The following RANBP17 variants were observed in gnomAD, a reference collection of about 807,000 sequenced individuals.
RANBP17 encodes RAN binding protein 17.
RANBP17 carries 158 observed loss-of-function variants against 141.2 expected under a neutral mutation model. The observed-to-expected ratio is 1.12, with a 90% confidence interval of 0.98 to 1.28. RANBP17 has a LOEUF of 1.28. Among genes scored for constraint, RANBP17 ranks in the 50% most tolerant of loss-of-function variants. The pLI is 0.00. For missense variants in RANBP17, 1,438 were observed against 1,290.7 expected (o/e 1.11, Z -1.75); for synonymous variants, 430 against 450.0 (o/e 0.96, Z 0.56).
At chr5:171,244,272 A>G (rs1307322213) in intron 24 of RANBP17, among the ~76,000 whole-genome samples, 1 of 151,884 alleles carries the variant, frequency 6.6e-6, no homozygotes, top group East Asian at 1.9e-4. Flanking sequence ...GTGCGCCTGT[A>G]GTCCCAGCTA....
rs552965037 is a variant in RANBP17 at position 170,924,391 on chromosome 5, A to G, written c.1309A>G (p.Thr437Ala). 15 of 1,604,290 alleles carry G rather than the reference A, an allele frequency of 9.3e-6. No homozygotes were observed. The Admixed American group carries it at 2.5e-4, about 27-fold the overall frequency. The change falls in exon 12 of 28, where the codon ACT (threonine) becomes GCT (alanine). Residue 437 changes from threonine to alanine, a missense_variant. By Grantham distance (58) the Thr-to-Ala change is moderately conservative. Transcript: ENST00000523189. ...AGATGATCCACTGGATGATACTGCCACTGTGTTTCAGCAGTTGGAGCAGTT... is the reference window on the plus strand; with the variant it reads ...AGATGATCCACTGGATGATACTGCCGCTGTGTTTCAGCAGTTGGAGCAGTT... ...HLDDPLDDTATVFQQLEQLCT... is the reference protein window; with the variant it reads ...HLDDPLDDTAAVFQQLEQLCT...
intron 26 of RANBP17, among the ~76,000 whole-genome samples, chr5:171,295,328 C>T (rs1388561393): frequency 6.6e-6 from 1 of 152,072 alleles, no homozygotes; most frequent in African/African-American, 2.4e-5. Flanking sequence ...CAAAGCTCTC[C>T]CCAAACTAAA....
At chr5:171,174,730 GA>G (rs1760319591) in intron 16 of RANBP17, among the ~76,000 whole-genome samples, 1 of 149,128 alleles carries the variant, frequency 6.7e-6, no homozygotes, top group Non-Finnish European at 1.5e-5. Context: ...CATCAAACAT[GA>G]GAAAACTAAA....
intron 14 of RANBP17, among the ~76,000 whole-genome samples, chr5:171,166,897 A>G (rs918137872): frequency 5.3e-5 from 8 of 152,218 alleles, no homozygotes; most frequent in Middle Eastern, 3.2e-3. Context: ...TCAGTAGATC[A>G]GATAAGTGGA....
At chr5:171,114,331 C>G (rs989095262) in intron 14 of RANBP17, among the ~76,000 whole-genome samples, 1 of 152,060 alleles carries the variant, frequency 6.6e-6, no homozygotes, top group African/African-American at 2.4e-5. Flanking sequence ...AAAAGCCTTC[C>G]TTACAAGTTG....
At chr5:171,147,161 A>G (rs1195031720) in intron 14 of RANBP17, among the ~76,000 whole-genome samples, 2 of 152,120 alleles carry the variant, frequency 1.3e-5, no homozygotes, top group African/African-American at 2.4e-5. Context: ...AGACAGCCCC[A>G]CAACAAAGAA....
intron 14 of RANBP17, among the ~76,000 whole-genome samples, chr5:171,036,704 C>A (rs1390443880): frequency 1.3e-5 from 2 of 151,974 alleles, no homozygotes; most frequent in African/African-American, 4.8e-5. Context: ...TTTTTCTGTT[C>A]CTGTGTTGAT....
intron 14 of RANBP17, among the ~76,000 whole-genome samples, chr5:171,151,465 T>C (rs1300235162): frequency 1.3e-5 from 2 of 152,238 alleles, no homozygotes; most frequent in Admixed American, 1.3e-4. Flanking sequence ...CCACTTTCTC[T>C]GGTCAATAAT....
chr5:171,051,592 A>G (rs1041053217), intron 14 of RANBP17, among the ~76,000 whole-genome samples: 2 of 152,204 alleles, frequency 1.3e-5, no homozygotes, highest in African/African-American at 2.4e-5. Context: ...AATACTATTT[A>G]ATATTTCACT....
At chr5:171,062,445 C>G (rs556538726) in intron 14 of RANBP17, among the ~76,000 whole-genome samples, 2 of 152,136 alleles carry the variant, frequency 1.3e-5, no homozygotes, top group East Asian at 3.8e-4. Flanking sequence ...ATATGAAATT[C>G]TGGGTTGAAA....
intron 14 of RANBP17, among the ~76,000 whole-genome samples, chr5:171,083,584 TG>T (rs1228314534): frequency 2.6e-5 from 4 of 152,222 alleles, no homozygotes; most frequent in African/African-American, 9.6e-5. Context: ...ATTTTTTCTC[TG>T]TTCAGTCAAG....
Position 170,924,431 on chromosome 5 carries a change from G to T in RANBP17, c.1349G>T (p.Arg450Ile). 19 of 1,613,450 alleles carry T rather than the reference G, an allele frequency of 1.2e-5. No homozygotes were observed. The highest frequency in any genetic ancestry group is 1.4e-5 in the Non-Finnish European group (17 of 1,179,494). The stretch of plus-strand genomic sequence containing the variant: ...TTGGAGCAGTTGTGCACGGTCAGCA[G>T]ATGTGAATATGAAAAGACATGTGCT... ...QQLEQLCTVS[R>I]CEYEKTCALL... Residue 450 changes from arginine (R) to isoleucine (I), a missense_variant, in exon 12 of 28, where the codon AGA becomes ATA. By Grantham distance (97) the Arg-to-Ile change is moderately conservative (BLOSUM62 -3). Coordinates refer to ENST00000523189, the MANE Select transcript of RANBP17 (RefSeq NM_022897.5).
intron 5 of RANBP17, among the ~76,000 whole-genome samples, chr5:170,905,410 G>T (rs1245162638): frequency 6.6e-6 from 1 of 152,136 alleles, no homozygotes; most frequent in Non-Finnish European, 1.5e-5. Flanking sequence ...AGGATCACTT[G>T]CCAACTCCCT....
chr5:170,923,523 A>G (rs1772651912), intron 11 of RANBP17, among the ~76,000 whole-genome samples: 2 of 152,194 alleles, frequency 1.3e-5, no homozygotes, highest in South Asian at 4.1e-4. Context: ...TAGTTTCTAC[A>G]AAGAAGTTCT....
At chr5:170,946,120 AGG>A (rs1313561331) in intron 12 of RANBP17, among the ~76,000 whole-genome samples, 1 of 152,152 alleles carries the variant, frequency 6.6e-6, no homozygotes, top group African/African-American at 2.4e-5. Flanking sequence ...ACTTTTAAAT[AGG>A]GACTTGTAAT....
intron 14 of RANBP17, among the ~76,000 whole-genome samples, chr5:171,035,848 C>T (rs1021905658): frequency 1.3e-5 from 2 of 149,170 alleles, no homozygotes; most frequent in African/African-American, 2.5e-5. Flanking sequence ...GGATACACTA[C>T]AACCCGTTAC....
intron 25 of RANBP17, among the ~76,000 whole-genome samples, chr5:171,266,574 G>T (rs1433447599): frequency 6.6e-6 from 1 of 152,144 alleles, no homozygotes; most frequent in Non-Finnish European, 1.5e-5. Context: ...CTTGAGCCCA[G>T]AAGTTCAAGA....
Position 171,183,328 on chromosome 5 carries a change from C to T in RANBP17, c.1936C>T (p.His646Tyr). ...KFMLKNHTSE[H>Y]FPFLGISDNH... Reference sequence around the variant, plus strand: ...ACTCTTTTGCTTTCATTAGAGTGAACACTTCCCTTTTCTTGGCATCAGTGA... The same window carrying T: ...ACTCTTTTGCTTTCATTAGAGTGAATACTTCCCTTTTCTTGGCATCAGTGA... The change falls in exon 18 of 28, where the codon CAC (histidine) becomes TAC (tyrosine). Residue 646 changes from histidine (H) to tyrosine (Y), a missense_variant. His to Tyr is a moderately conservative substitution (Grantham distance 83, BLOSUM62 2). Transcript: ENST00000523189. The T allele has an allele frequency of 6.2e-7, 1 of 1,613,408 alleles. No homozygotes were observed. Among genetic ancestry groups the T allele is most frequent in the Non-Finnish European group, 8.5e-7 (1 of 1,179,362 alleles).
At chr5:171,198,533 G>A (rs1762109963) in intron 18 of RANBP17, among the ~76,000 whole-genome samples, 1 of 152,126 alleles carries the variant, frequency 6.6e-6, no homozygotes, top group Non-Finnish European at 1.5e-5. Context: ...AGTGTTTTTC[G>A]AACATTCACA....
Sources: allele counts gnomAD v4.1 joint callset (sites outside exome capture counted in the v4.1 genomes callset), GRCh38; gene constraint gnomAD v4.1.1; transcripts MANE v1.5; gene names NCBI Gene and HGNC (gene_info 2026-07-23, HGNC 2026-07-21).